LAMA1: variants seen among roughly 807,000 people sequenced by gnomAD.
The protein encoded by LAMA1 is laminin subunit alpha 1.
Under a neutral mutation model 348.7 loss-of-function variants are expected in LAMA1, and 219 were observed. The observed-to-expected ratio is 0.63, with a 90% CI of 0.56 to 0.70. The LOEUF is 0.70. Among genes scored for constraint, LAMA1 ranks in the 30% least tolerant of loss-of-function variants. LAMA1 has a pLI of 0.00. For synonymous variants in LAMA1, 1,487 were observed against 1,491.0 expected (o/e 1.00, Z 0.06); for missense variants, 3,744 against 3,888.0 (o/e 0.96, Z 0.99).
intron 29 of LAMA1, among the ~76,000 whole-genome samples, chr18:7,004,937 G>T (rs1453634068): frequency 6.6e-6 from 1 of 152,192 alleles, no homozygotes; most frequent in East Asian, 1.9e-4. Flanking sequence ...ATGCCGTGAG[G>T]CAGCAGTGAC....
intron 5 of LAMA1, among the ~76,000 whole-genome samples, chr18:7,047,225 A>C (rs528619843): frequency 7.4e-4 from 113 of 151,952 alleles, no homozygotes; most frequent in African/African-American, 2.7e-3. Context: ...TTGTATTTTT[A>C]GTAGAGACGG....
Position 7,032,124 on chromosome 18 carries a change from C to A in LAMA1, c.2216G>T (p.Cys739Phe). 1 of 1,614,190 alleles carries A rather than the reference C, an allele frequency of 6.2e-7. No individual in the cohort carries two copies. The highest frequency in any genetic ancestry group is 8.5e-7 in the Non-Finnish European group (1 of 1,180,044). The change falls in exon 16 of 63, where the codon TGT becomes TTT. Residue 739 changes from cysteine to phenylalanine, a missense_variant. Physicochemically the swap from Cys to Phe is radical, Grantham distance 205 (BLOSUM62 -2). Around this residue, in one of 3 missense-constraint regions of LAMA1, gnomAD observed 1,529 missense variants for 1,689.4 expected, o/e 0.91. Coordinates refer to ENST00000389658, the MANE Select transcript of LAMA1 (RefSeq NM_005559.4). ...ATGGCCGTGGCATTCACAGGGTTGA[C>A]AAATTCCTCCAAAGAGTATTCCATC... ...RVDGILFGGI[C>F]QPCECHGHAA...
intron 40 of LAMA1, 149 bp downstream of exon 40, chr18:6,982,950 C>T (rs932709681): frequency 2.5e-5 from 26 of 1,038,096 alleles, no homozygotes; most frequent in Non-Finnish European, 3.8e-5. Context: ...AAAATTAAAA[C>T]ACAGATCATA....
intron 16 of LAMA1, among the ~76,000 whole-genome samples, chr18:7,028,382 C>T (rs916252929): frequency 6.6e-6 from 1 of 152,180 alleles, no homozygotes; most frequent in Non-Finnish European, 1.5e-5. Context: ...ACCCTCCTAA[C>T]AGCAGGCAGA....
rs2057976768 is a variant in LAMA1, at chr18:7,032,866, G to A, written c.2163+118C>T. 6.5e-6 allele frequency: 5 copies of A among 770,172 alleles called. No individual in the cohort carries two copies. In the Admixed American group the frequency reaches 1.0e-4, roughly 15 times the overall value. The allele number at this position is 770,172 out of a possible 1,614,324, so 47.7% of individuals were successfully genotyped here. ...ATTTCTATTGCCCAAAAAAGACTGA[G>A]CCAAACATTGGGCTGCTAAAGCTAA... is the stretch of plus-strand genomic sequence containing the variant. On this transcript the variant is annotated intron_variant, in intron 15 of 62. Coordinates refer to ENST00000389658, the MANE Select transcript of LAMA1 (RefSeq NM_005559.4).
At chr18:7,083,580 C>G (rs944039307) in intron 1 of LAMA1, among the ~76,000 whole-genome samples, 1 of 152,008 alleles carries the variant, frequency 6.6e-6, no homozygotes, top group African/African-American at 2.4e-5. Flanking sequence ...CAAGTAAAAC[C>G]TTCAAATAAT....
Position 6,999,526 on chromosome 18 carries a change from A to G in LAMA1, c.4582T>C (p.Cys1528Arg), listed in dbSNP as rs1374592400. Residue 1528 changes from cysteine (C) to arginine (R), a missense_variant, in exon 32 of 63, where the codon TGC becomes CGC. By Grantham distance (180) the Cys-to-Arg change is radical. This residue lies in a region of LAMA1 where 1,983 missense variants were observed against 1,934.3 expected (regional missense o/e 1.03). Coordinates refer to ENST00000389658, the MANE Select transcript of LAMA1 (RefSeq NM_005559.4). The stretch of plus-strand genomic sequence containing the variant: ...CCCGAGGCCCCCAGCCTGCAAACGC[A>G]CTGCCCAGATGTGCGGTCACAGTCA... ...HGDCDRTSGQCVCRLGASGLR... is the reference protein window; with the variant it reads ...HGDCDRTSGQRVCRLGASGLR... 1 of 1,614,110 alleles carries G rather than the reference A, an allele frequency of 6.2e-7. No homozygotes were observed. Among genetic ancestry groups the G allele is most frequent in the Admixed American group, 1.7e-5 (1 of 60,014 alleles).
At chr18:6,992,493 C>T in intron 36 of LAMA1, 68 bp downstream of exon 36, 1 of 1,547,170 alleles carries the variant, frequency 6.5e-7, no homozygotes, top group East Asian at 2.2e-5. Context: ...GCCTCCTTCT[C>T]CTTTGGAGAT....
Position 6,941,850 on chromosome 18 carries a change from T to G in LAMA1, c.*229A>C. 1 of 540,274 alleles carries G rather than the reference T, an allele frequency of 1.9e-6. No homozygotes were observed. Among genetic ancestry groups the G allele is most frequent in the Non-Finnish European group, 3.3e-6 (1 of 302,754 alleles). 33.5% of individuals were successfully genotyped at this position (540,274 alleles called of 1,614,324 possible). On this transcript the variant is annotated 3_prime_UTR_variant, in exon 63 of 63. Transcript: ENST00000389658. ...CATTCAATGTGTATAAAGATTTTTT[T>G]AAAAATACGTTTAAAAAGAGAGCCA...
Position 7,080,430 on chromosome 18 carries a change from G to A in LAMA1, c.89C>T (p.Ala30Val), listed in dbSNP as rs1409258872. ...ATTGGTGCTGATGTGAGCATTGCTGGCAAGATTGAGAATGGCAGGAAACAG... is the reference window on the plus strand; with the variant it reads ...ATTGGTGCTGATGTGAGCATTGCTGACAAGATTGAGAATGGCAGGAAACAG... ...RGLFPAILNL[A>V]SNAHISTNAT... The change falls in exon 2 of 63, where the codon GCC becomes GTC. Residue 30 changes from alanine to valine, a missense_variant. By Grantham distance (64) the Ala-to-Val change is moderately conservative. Coordinates refer to ENST00000389658, the MANE Select transcript of LAMA1 (RefSeq NM_005559.4). 2 of 1,614,230 alleles carry A rather than the reference G, an allele frequency of 1.2e-6. No homozygotes were observed. Among genetic ancestry groups the A allele is most frequent in the Admixed American group, 3.3e-5 (2 of 60,034 alleles).
chr18:6,977,289 G>C (rs374281993), intron 44 of LAMA1, among the ~76,000 whole-genome samples: 30 of 152,262 alleles, frequency 2.0e-4, no homozygotes, highest in African/African-American at 7.2e-4. Flanking sequence ...ACACCTCAAG[G>C]ATGAGGCCCA....
intron 13 of LAMA1, among the ~76,000 whole-genome samples, chr18:7,035,423 TA>T (rs72153059): frequency 1.3e-5 from 2 of 149,314 alleles, no homozygotes; most frequent in East Asian, 3.9e-4. Flanking sequence ...CCTTTTTACT[TA>T]AAATTTTTTT....
At chr18:7,025,210 C>T (rs1598285832) in intron 17 of LAMA1, among the ~76,000 whole-genome samples, 2 of 152,332 alleles carry the variant, frequency 1.3e-5, no homozygotes, top group African/African-American at 4.8e-5. Context: ...CATCTCCTTC[C>T]ACCTCCCTCC....
chr18:7,060,800 G>A lies in LAMA1; in HGVS notation c.346-9864C>T, dbSNP rs187455608. Among the ~76,000 whole-genome samples, 25 of 152,296 alleles carry A rather than the reference G, an allele frequency of 1.6e-4. No individual in the cohort carries two copies. The East Asian group carries it at 4.4e-3, about 27-fold the overall frequency. The stretch of plus-strand genomic sequence containing the variant: ...ATTTCAAAAGGAGCCCACCCCGCAA[G>A]CTGACCCACGGTCCAGGTGTCACCA... On this transcript the variant is annotated intron_variant, in intron 3 of 62. Coordinates refer to ENST00000389658, the MANE Select transcript of LAMA1 (RefSeq NM_005559.4).
chr18:7,102,133 C>T (rs2058293774), intron 1 of LAMA1, among the ~76,000 whole-genome samples: 1 of 152,020 alleles, frequency 6.6e-6, no homozygotes, highest in East Asian at 1.9e-4. Flanking sequence ...TAAAACACGG[C>T]CCATTTAAAT....
Position 7,117,793 on chromosome 18 carries a change from A to T in LAMA1, c.-73T>A. 4.4e-6 allele frequency: 6 copies of T among 1,371,466 alleles called. No individual in the cohort carries two copies. Among genetic ancestry groups the T allele is most frequent in the Non-Finnish European group, 5.0e-6 (5 of 1,001,796 alleles). The allele number at this position is 1,371,466 out of a possible 1,614,324, so 85.0% of individuals were successfully genotyped here. ...CGCCTGGAACGCTCCACGGGACGCG[A>T]GTCCGCGCTGCCCTGGCCCCGCCGC... On this transcript the variant is annotated 5_prime_UTR_variant, in exon 1 of 63. Coordinates refer to ENST00000389658, the MANE Select transcript of LAMA1 (RefSeq NM_005559.4).
At chr18:7,058,514 C>T (rs559457391) in intron 3 of LAMA1, among the ~76,000 whole-genome samples, 6 of 152,296 alleles carry the variant, frequency 3.9e-5, no homozygotes, top group African/African-American at 1.4e-4. Flanking sequence ...CAGAATATGG[C>T]TGTATCTGGC....
rs1177025390 is a variant in LAMA1, at chr18:7,117,731, C to T, written c.-11G>A. The T allele has an allele frequency of 6.3e-7, 1 of 1,596,418 alleles. No homozygotes were observed. The highest frequency in any genetic ancestry group is 8.5e-7 in the Non-Finnish European group (1 of 1,177,704). The stretch of plus-strand genomic sequence containing the variant: ...CACGCCCCCGCGCATCTCGCCTCCG[C>T]CGCCACTCGGTGGGTCTGGGGAGAA... On this transcript the variant is annotated 5_prime_UTR_variant, in exon 1 of 63. Transcript: ENST00000389658.
chr18:6,979,712 A>G (rs2057700329), intron 42 of LAMA1, among the ~76,000 whole-genome samples: 1 of 152,040 alleles, frequency 6.6e-6, no homozygotes, highest in Non-Finnish European at 1.5e-5. Context: ...ATCCTGGCTA[A>G]CACGGTGAAA....
Sources: allele counts gnomAD v4.1 joint callset (sites outside exome capture counted in the v4.1 genomes callset), GRCh38; gene constraint gnomAD v4.1.1; regional missense constraint gnomAD v4.1.1; transcripts MANE v1.5; gene names NCBI Gene and HGNC (gene_info 2026-07-23, HGNC 2026-07-21).